Variants in GRB10 observed in about 807,000 individuals in gnomAD.
The protein encoded by GRB10 is growth factor receptor-bound protein 10.
A neutral mutation model predicts 80.9 loss-of-function variants in GRB10; 20 were observed. The observed-to-expected ratio is 0.25, with a 90% CI of 0.17 to 0.36. The LOEUF is 0.36. Among genes scored for constraint, GRB10 ranks in the 10% least tolerant of loss-of-function variants. GRB10 has a pLI of 1.00. For synonymous variants in GRB10, 291 were observed against 291.5 expected, an observed-to-expected ratio of 1.00 and a Z score of 0.02; for missense variants, 548 against 747.7, an observed-to-expected ratio of 0.73 and a Z score of 3.12.
chr7:50,638,452 A>G (rs2055490446), intron 7 of GRB10, among the ~76,000 whole-genome samples: 1 of 152,220 alleles, frequency 6.6e-6, no homozygotes, highest in African/African-American at 2.4e-5. Context: ...ACATTTCTCA[A>G]AAGAAGACAT....
At chr7:50,680,248 A>G (rs138220229) in intron 5 of GRB10, among the ~76,000 whole-genome samples, 24 of 152,334 alleles carry the variant, frequency 1.6e-4, no homozygotes, top group African/African-American at 5.5e-4. Context: ...AATGCATATA[A>G]ATATCCTTGT....
rs2046405844 is a variant in GRB10, at chr7:50,595,120, G to C, written c.1638+317C>G. ...CCCATCAGTACCCTTTCAGCTGTGG[G>C]CCCTCAGCTAATTCTCCTCCACCTC... On this transcript the variant is annotated intron_variant, in intron 18 of 18. Transcript: ENST00000401949. Among the ~76,000 whole-genome samples, 6 of 151,760 alleles carry C rather than the reference G, an allele frequency of 4.0e-5. No individual in the cohort carries two copies. In the South Asian group the frequency reaches 1.3e-3, roughly 32 times the overall value.
chr7:50,703,310 C>T (rs76267930), intron 5 of GRB10, among the ~76,000 whole-genome samples: 14 of 152,166 alleles, frequency 9.2e-5, no homozygotes, highest in Admixed American at 2.6e-4. Flanking sequence ...CCTCATCCTA[C>T]GGCAAAGCTT....
chr7:50,634,706 G>A (rs760858629), intron 7 of GRB10, among the ~76,000 whole-genome samples: 28 of 152,292 alleles, frequency 1.8e-4, no homozygotes, highest in Non-Finnish European at 3.4e-4. Context: ...TATATATCAT[G>A]CAATGGAAAA....
intron 7 of GRB10, among the ~76,000 whole-genome samples, chr7:50,646,761 T>C (rs1421777688): frequency 1.3e-5 from 2 of 152,216 alleles, no homozygotes. Context: ...TTCTAATGCA[T>C]TCATGTTCCT....
intron 7 of GRB10, among the ~76,000 whole-genome samples, chr7:50,644,340 A>G (rs1013634125): frequency 1.2e-4 from 18 of 152,028 alleles, no homozygotes; most frequent in African/African-American, 4.4e-4. Context: ...TCCATGCCCG[A>G]GCTCTTTATT....
Position 50,745,486 on chromosome 7 carries a change from T to C in GRB10, c.-47+10401A>G, listed in dbSNP as rs571363615. Among the ~76,000 whole-genome samples, 291 of 152,250 alleles carry C rather than the reference T, an allele frequency of 1.9e-3. 4 individuals carry two copies. Among genetic ancestry groups the C allele is most frequent in the Non-Finnish European group, 1.0e-3 (68 of 68,020 alleles). ...TCAATTAAGACAAAGAGGGGAACAA[T>C]TGCCATGACAACACATTACCAACTA... On this transcript the variant is annotated intron_variant, in intron 3 of 18. Transcript: ENST00000401949.
intron 16 of GRB10, 97 bp from the exon 17 acceptor site, chr7:50,604,182 A>G (rs1585526806): frequency 1.5e-6 from 2 of 1,307,296 alleles, no homozygotes; most frequent in Non-Finnish European, 2.2e-6. Context: ...AGAGCCCCTG[A>G]CTCCCCCAGC....
chr7:50,697,745 T>C (rs2063625466), intron 5 of GRB10, among the ~76,000 whole-genome samples: 2 of 152,184 alleles, frequency 1.3e-5, no homozygotes, highest in Admixed American at 1.3e-4. Context: ...ATCCCCAAAG[T>C]TGAACTTGGT....
In GRB10 at chr7:50,682,057, C is replaced by T. The variant is rs556609632; in HGVS notation, c.140-7399G>A. On this transcript the variant is annotated intron_variant, in intron 5 of 18. Transcript: ENST00000401949. Reference sequence around the variant, plus strand: ...CTTTCCTTGGCTGGAGGCAGCCCTGCTACCCACTCAACCCAATGTTTCTGT... The same window carrying T: ...CTTTCCTTGGCTGGAGGCAGCCCTGTTACCCACTCAACCCAATGTTTCTGT... Among the ~76,000 whole-genome samples, 296 of 152,314 alleles carry T rather than the reference C, an allele frequency of 1.9e-3. 2 individuals carry two copies. Among genetic ancestry groups the T allele is most frequent in the Admixed American group, 3.5e-3 (53 of 15,308 alleles).
intron 11 of GRB10, among the ~76,000 whole-genome samples, chr7:50,615,130 T>C (rs147424206): frequency 2.6e-5 from 4 of 152,354 alleles, no homozygotes; most frequent in African/African-American, 9.6e-5. Flanking sequence ...TTGATACTTC[T>C]GGCAAATCAA....
rs1229721079 is a variant in GRB10 at position 50,755,987 on chromosome 7, GGTCACTGAGCTACCA to G, written c.-162_-148del. The G allele has an allele frequency of 2.5e-6, 1 of 398,890 alleles. No individual in the cohort carries two copies. Among genetic ancestry groups the G allele is most frequent in the Middle Eastern group, 6.3e-4 (1 of 1,590 alleles). The allele number at this position is 398,890 out of a possible 1,614,324, so 24.7% of individuals were successfully genotyped here. A position where few individuals can be genotyped will look rare whatever the true frequency, so the allele number is the denominator to read the frequency against. ...CCTGGCTGCCGGTCACTGGGCTGCT[GGTCACTGAGCTACCA>G]GTCACTGGGCCTGCAGCTGCTGCTT... is the stretch of plus-strand genomic sequence containing the variant. On this transcript the variant is annotated 5_prime_UTR_variant, in exon 3 of 19. Transcript: ENST00000401949.
At chr7:50,742,842 A>T (rs2072141445) in intron 3 of GRB10, among the ~76,000 whole-genome samples, 1 of 152,064 alleles carries the variant, frequency 6.6e-6, no homozygotes, top group African/African-American at 2.4e-5. Flanking sequence ...GCAGGGGGAA[A>T]ATATTGGGGA....
At chr7:50,663,600 T>C (rs999929461) in intron 7 of GRB10, among the ~76,000 whole-genome samples, 1 of 152,246 alleles carries the variant, frequency 6.6e-6, no homozygotes, top group African/African-American at 2.4e-5. Context: ...AAGGTCATAC[T>C]GGACTGCTGA....
Position 50,599,566 on chromosome 7 carries a change from A to G in GRB10, c.1545-4036T>C, listed in dbSNP as rs140303346. 3.5e-3 allele frequency among the ~76,000 whole-genome samples: 536 copies of G among 152,336 alleles called. 3 individuals are homozygous for G. The highest frequency in any genetic ancestry group is 0.012 in the African/African-American group (488 of 41,584). On this transcript the variant is annotated intron_variant, in intron 17 of 18. Coordinates refer to ENST00000401949, the MANE Select transcript of GRB10 (RefSeq NM_001350814.2). ...GTGTGGTTAGCGCTCCAGCAGCCTA[A>G]GGCGGGAGCTGGAAATGACAGCCTT...
intron 7 of GRB10, among the ~76,000 whole-genome samples, chr7:50,650,995 A>C (rs906405642): frequency 1.3e-5 from 2 of 152,322 alleles, no homozygotes; most frequent in South Asian, 4.1e-4. Context: ...TTACAGCATT[A>C]ATTTTCTTCA....
rs2237491 is a variant in GRB10 at position 50,693,783 on chromosome 7, G to A, written c.139+10038C>T. 3.9e-3 allele frequency among the ~76,000 whole-genome samples: 601 copies of A among 152,186 alleles called. 15 individuals carry two copies. In the East Asian group the frequency reaches 0.068, roughly 17 times the overall value. ...CGCCCGAGGTACACACGATGCAGAG[G>A]AGACAGACACAGAAGGCACAGAGGC... On this transcript the variant is annotated intron_variant, in intron 5 of 18. Coordinates refer to ENST00000401949, the MANE Select transcript of GRB10 (RefSeq NM_001350814.2).
In GRB10 at chr7:50,674,579, C is replaced by T. The variant is rs754196210; in HGVS notation, c.219G>A (p.Gln73=). 6.2e-7 allele frequency: 1 copy of T among 1,613,352 alleles called. No individual in the cohort carries two copies. Among genetic ancestry groups the T allele is most frequent in the African/African-American group, 1.3e-5 (1 of 75,066 alleles). ...TCTGCAGGAGGGGCACCGTGTCTGA[C>T]TGCATGCTGCAGGCCGAGTACAGGC... ...LESLYSACSM[Q]SDTVPLLQNG... is the part of the protein sequence containing the mutation. Residue 73 remains glutamine (Q), a synonymous_variant, in exon 6 of 19, where the codon CAG becomes CAA. Coordinates refer to ENST00000401949, the MANE Select transcript of GRB10 (RefSeq NM_001350814.2).
At chr7:50,716,703 C>T (rs537121687) in intron 4 of GRB10, among the ~76,000 whole-genome samples, 21 of 152,208 alleles carry the variant, frequency 1.4e-4, no homozygotes, top group African/African-American at 5.1e-4. Context: ...CAGGATTAAC[C>T]AGACATTGGA....
Sources: gnomAD v4.1 joint callset for allele counts (sites outside exome capture counted in the v4.1 genomes callset) on GRCh38, gnomAD v4.1.1 for gene constraint, MANE v1.5 for transcripts, NCBI Gene and HGNC (gene_info 2026-07-23, HGNC 2026-07-21) for gene names.